NELL1: variants seen among roughly 807,000 people sequenced by gnomAD.
The protein encoded by NELL1 is neural EGFL like 1.
Under a neutral mutation model 107.4 loss-of-function variants are expected in NELL1, and 76 were observed. The observed-to-expected ratio is 0.71, with a 90% CI of 0.59 to 0.86. NELL1 has a LOEUF of 0.86. NELL1 is among the 40% of genes least tolerant of loss of function. The pLI is 0.00. For synonymous variants in NELL1, 353 were observed against 341.2 expected (o/e 1.03, Z -0.38); for missense variants, 1,024 against 1,005.5 (o/e 1.02, Z -0.25).
At chr11:21,385,347 G>A (rs956352526) in intron 15 of NELL1, among the ~76,000 whole-genome samples, 4 of 151,824 alleles carry the variant, frequency 2.6e-5, no homozygotes, top group Admixed American at 6.6e-5. Flanking sequence ...TTTTAGTTTC[G>A]TATTAGTCTC....
intron 15 of NELL1, among the ~76,000 whole-genome samples, chr11:21,504,997 C>T (rs1054251237): frequency 3.9e-5 from 6 of 152,114 alleles, no homozygotes; most frequent in African/African-American, 1.4e-4. Context: ...AACATTTTCC[C>T]CCTTTTTTAT....
intron 15 of NELL1, among the ~76,000 whole-genome samples, chr11:21,465,859 T>C (rs1854016746): frequency 6.6e-6 from 1 of 152,094 alleles, no homozygotes; most frequent in African/African-American, 2.4e-5. Context: ...GGTAACTTAC[T>C]TGAACATTAA....
At chr11:20,967,865 C>G (rs1293610466) in intron 12 of NELL1, among the ~76,000 whole-genome samples, 1 of 152,156 alleles carries the variant, frequency 6.6e-6, no homozygotes, top group African/African-American at 2.4e-5. Context: ...CTGTGTCAGG[C>G]CCTATGTGAA....
At chr11:21,481,163 T>C (rs1050515761) in intron 15 of NELL1, among the ~76,000 whole-genome samples, 1 of 152,168 alleles carries the variant, frequency 6.6e-6, no homozygotes, top group Non-Finnish European at 1.5e-5. Flanking sequence ...TCAAACTGTA[T>C]TAAATATTAA....
intron 11 of NELL1, among the ~76,000 whole-genome samples, chr11:20,948,511 C>G (rs1226494396): frequency 6.6e-6 from 1 of 151,926 alleles, no homozygotes; most frequent in Non-Finnish European, 1.5e-5. Context: ...ATTCTTCTAT[C>G]TATTTTGAAA....
chr11:20,682,295 G>T (rs1225549011), intron 2 of NELL1, among the ~76,000 whole-genome samples: 1 of 151,480 alleles, frequency 6.6e-6, no homozygotes, highest in Non-Finnish European at 1.5e-5. Flanking sequence ...AAAAGAAACA[G>T]ATAAAAGTAA....
In NELL1 at chr11:21,304,241, A is replaced by G. The variant is rs543780801; in HGVS notation, c.1550-66612A>G. ...ATGCCATTTAACATGTACTTAGACT[A>G]TTCCACACACTGTCTAAATGCGTCC... is the stretch of plus-strand genomic sequence containing the variant. On this transcript the variant is annotated intron_variant, in intron 14 of 19. Transcript: ENST00000357134. Among the ~76,000 whole-genome samples the G allele has an allele frequency of 1.1e-4, 16 of 152,194 alleles. No homozygotes were observed. The South Asian group carries it at 3.3e-3, about 31-fold the overall frequency.
At chr11:20,973,668 C>T (rs1851547662) in intron 12 of NELL1, among the ~76,000 whole-genome samples, 2 of 152,206 alleles carry the variant, frequency 1.3e-5, no homozygotes, top group South Asian at 4.1e-4. Flanking sequence ...GAAAAAGCCA[C>T]CTTGAAATGT....
chr11:21,453,494 C>A (rs1473771789), intron 15 of NELL1, among the ~76,000 whole-genome samples: 1 of 152,000 alleles, frequency 6.6e-6, no homozygotes, highest in Non-Finnish European at 1.5e-5. Context: ...TTTATGTCTC[C>A]ATATCTTTAA....
chr11:21,337,940 A>G (rs112939593), intron 14 of NELL1, among the ~76,000 whole-genome samples: 5 of 149,910 alleles, frequency 3.3e-5, no homozygotes, highest in Non-Finnish European at 7.4e-5. Flanking sequence ...CCACTATTTA[A>G]CAAATTATAC....
chr11:20,922,377 A>G (rs958600539), intron 7 of NELL1, among the ~76,000 whole-genome samples: 2 of 151,460 alleles, frequency 1.3e-5, no homozygotes, highest in South Asian at 2.1e-4. Flanking sequence ...TTATTTATAT[A>G]TTGAATACAG....
chr11:21,482,540 G>A (rs1409331074), intron 15 of NELL1, among the ~76,000 whole-genome samples: 3 of 152,098 alleles, frequency 2.0e-5, no homozygotes, highest in Admixed American at 6.6e-5. Context: ...TAGAGTTGAC[G>A]TACATGACAT....
chr11:20,977,777 T>C (rs527573914), intron 12 of NELL1, among the ~76,000 whole-genome samples: 35 of 152,320 alleles, frequency 2.3e-4, no homozygotes, highest in Non-Finnish European at 3.1e-4. Flanking sequence ...TGGTAAATAA[T>C]TGTTGAGTGC....
chr11:20,927,316 T>C lies in NELL1; in HGVS notation c.768T>C (p.Tyr256=). The change falls in exon 8 of 20, where the codon TAT becomes TAC. Residue 256 remains tyrosine (Y), a synonymous_variant. Coordinates refer to ENST00000357134, the MANE Select transcript of NELL1 (RefSeq NM_006157.5). Reference sequence around the variant, plus strand: ...GTAACTCTTGTTTGCAGCTAAATTATGCAGAGACAAGACTTAGTCAATTGG... The same window carrying C: ...GTAACTCTTGTTTGCAGCTAAATTACGCAGAGACAAGACTTAGTCAATTGG... ...LLAKMTAKLN[Y]AETRLSQLEN... is the part of the protein sequence containing the mutation. 6.2e-7 allele frequency: 1 copy of C among 1,608,972 alleles called. No individual in the cohort carries two copies. The highest frequency in any genetic ancestry group is 8.5e-7 in the Non-Finnish European group (1 of 1,178,826).
chr11:21,054,787 A>T (rs10833449), intron 12 of NELL1, among the ~76,000 whole-genome samples: 52,075 of 151,826 alleles, frequency 0.34, 10,381 homozygotes, highest in East Asian at 0.58. Flanking sequence ...TATTCATCTT[A>T]GTCTTTTTTA....
intron 12 of NELL1, among the ~76,000 whole-genome samples, chr11:21,083,733 A>G (rs978321454): frequency 2.0e-5 from 3 of 152,200 alleles, no homozygotes; most frequent in African/African-American, 2.4e-5. Flanking sequence ...TTCTGAGAGT[A>G]TTGAAAGTGT....
chr11:20,724,179 A>T (rs968739115), intron 2 of NELL1, among the ~76,000 whole-genome samples: 1 of 152,212 alleles, frequency 6.6e-6, no homozygotes, highest in Non-Finnish European at 1.5e-5. Context: ...AGATCTCTGC[A>T]ATGCTGTGGA....
intron 13 of NELL1, among the ~76,000 whole-genome samples, chr11:21,175,870 C>A (rs1856701880): frequency 6.6e-6 from 1 of 151,794 alleles, no homozygotes; most frequent in African/African-American, 2.4e-5. Context: ...TCCAATTTTG[C>A]CTTACAATGT....
At chr11:21,291,413 A>G (rs1400851145) in intron 14 of NELL1, among the ~76,000 whole-genome samples, 2 of 4,726 alleles carry the variant, frequency 4.2e-4, no homozygotes, top group African/African-American at 6.0e-4. Flanking sequence ...TAAGTTCTGA[A>G]ATTGAGATGA....
Sources: allele counts gnomAD v4.1 joint callset (sites outside exome capture counted in the v4.1 genomes callset), GRCh38; gene constraint gnomAD v4.1.1; transcripts MANE v1.5; gene names NCBI Gene and HGNC (gene_info 2026-07-23, HGNC 2026-07-21).